WDR20: variants seen among roughly 807,000 people sequenced by gnomAD.
WDR20 encodes WD repeat-containing protein 20.
In WDR20, 3 loss-of-function variants were observed where a neutral mutation model predicts 38.7. The observed-to-expected ratio is 0.08, with a 90% CI of 0.04 to 0.20. The LOEUF (loss-of-function observed/expected upper bound fraction) is 0.20. WDR20 is among the 10% of genes least tolerant of loss of function. WDR20 has a pLI of 1.00. For synonymous variants in WDR20, 298 were observed against 285.6 expected, an observed-to-expected ratio of 1.04 and a Z score of -0.44; for missense variants, 559 against 727.7, an observed-to-expected ratio of 0.77 and a Z score of 2.67.
chr14:102,143,060 T>C (rs1311045395), intron 1 of WDR20, among the ~76,000 whole-genome samples: 4 of 152,078 alleles, frequency 2.6e-5, no homozygotes, highest in Non-Finnish European at 5.9e-5. Flanking sequence ...GGTCAGTGTC[T>C]GGAGCTAGAA....
Position 102,195,111 on chromosome 14 carries a change from T to C in WDR20, c.423T>C (p.Phe141=), listed in dbSNP as rs1452758884. 1 of 1,613,984 alleles carries C rather than the reference T, an allele frequency of 6.2e-7. No individual in the cohort carries two copies. Among genetic ancestry groups the C allele is most frequent in the African/African-American group, 1.3e-5 (1 of 74,922 alleles). ...DPIKKETSKL[F]NEERLIDKSR... is the part of the protein sequence containing the mutation. ...TCAAAAAAGAAACTAGCAAACTTTT[T>C]AATGAGGAAGTAAGTAGCACCCTGT... Residue 141 remains phenylalanine, a synonymous_variant, in exon 2 of 3, where the codon TTT becomes TTC. Coordinates refer to ENST00000342702, the MANE Select transcript of WDR20 (RefSeq NM_144574.4).
Position 102,209,681 on chromosome 14 carries a change from A to G in WDR20, c.1511A>G (p.Asp504Gly), listed in dbSNP as rs750445266. 1 of 1,614,106 alleles carries G rather than the reference A, an allele frequency of 6.2e-7. No homozygotes were observed. Among genetic ancestry groups the G allele is most frequent in the Admixed American group, 1.7e-5 (1 of 60,010 alleles). The part of the protein sequence containing the change: ...KLNLVTKTKT[D>G]PAKTLGTPLC... The stretch of plus-strand genomic sequence containing the variant: ...AATCTAGTTACCAAAACCAAAACGG[A>G]CCCTGCTAAAACTCTGGGAACGCCC... Residue 504 changes from aspartate (D) to glycine (G), a missense_variant, in exon 3 of 3, where the codon GAC becomes GGC. Asp to Gly is a moderately conservative substitution (Grantham distance 94). Coordinates refer to ENST00000342702, the MANE Select transcript of WDR20 (RefSeq NM_144574.4). This position sits in a 1 kb window ranked among gnomAD's most constrained non-coding sequence, Gnocchi z 6.0.
intron 1 of WDR20, among the ~76,000 whole-genome samples, chr14:102,173,433 AATTATT>A (rs59078063): frequency 0.033 from 4,583 of 138,824 alleles, 128 homozygotes; most frequent in African/African-American, 0.064. Context: ...CTTTTTTTAA[AATTATT>A]ATTATTATTA....
Position 102,220,033 on chromosome 14 carries a change from A to T in WDR20, c.1693-2797A>T, listed in dbSNP as rs535324637. On this transcript the variant is annotated intron_variant, in intron 3 of 3. Coordinates refer to the WDR20 transcript ENST00000335263. This position sits in a 1 kb window ranked among gnomAD's most constrained non-coding sequence, Gnocchi z 4.2. ...TGTGCATTTGTTTTGTGCTAATGGGAGAATAGGAAGCCTGCAGCCCTCGCG... is the reference window on the plus strand; with the variant it reads ...TGTGCATTTGTTTTGTGCTAATGGGTGAATAGGAAGCCTGCAGCCCTCGCG... 6.6e-6 allele frequency among the ~76,000 whole-genome samples: 1 copy of T among 152,188 alleles called. No individual in the cohort carries two copies. Among genetic ancestry groups the T allele is most frequent in the Non-Finnish European group, 1.5e-5 (1 of 68,030 alleles).
rs577678073 is a variant in WDR20, at chr14:102,220,776, A to G, written c.1693-2054A>G. ...TTAATGTCACTTGTTTTTATTATCT[A>G]TCTTTTCATTTTTTGAGACAGGGTC... On this transcript the variant is annotated intron_variant, in intron 3 of 3. Coordinates refer to the WDR20 transcript ENST00000335263. This position sits in a 1 kb window ranked among gnomAD's most constrained non-coding sequence, Gnocchi z 4.2. Among the ~76,000 whole-genome samples, 2 of 151,528 alleles carry G rather than the reference A, an allele frequency of 1.3e-5. No individual in the cohort carries two copies. The highest frequency in any genetic ancestry group is 2.1e-4 in the South Asian group (1 of 4,802).
intron 1 of WDR20, among the ~76,000 whole-genome samples, chr14:102,188,228 C>T (rs1294149818): frequency 6.6e-6 from 1 of 152,178 alleles, no homozygotes; most frequent in East Asian, 1.9e-4. Context: ...TAAAACTTTA[C>T]CAGGCCTATG....
intron 1 of WDR20, among the ~76,000 whole-genome samples, chr14:102,189,738 C>T (rs2152923762): frequency 6.6e-6 from 1 of 152,154 alleles, no homozygotes; most frequent in Admixed American, 6.5e-5. Context: ...CTGAAAAAAA[C>T]TAATTTTGTG....
chr14:102,214,416 C>G, downstream of WDR20: 1 of 985,384 alleles, frequency 1.0e-6, no homozygotes, highest in African/African-American at 1.7e-5. Flanking sequence ...CACTCGTATG[C>G]AACTGTTACC....
intron 1 of WDR20, among the ~76,000 whole-genome samples, chr14:102,189,209 CAATAAT>C (rs879341112): frequency 3.3e-5 from 5 of 151,444 alleles, no homozygotes; most frequent in Admixed American, 6.6e-5. Context: ...GACCCTGTCT[CAATAAT>C]AATAATAGTA....
At chr14:102,213,612 G>A (rs981420672), downstream of WDR20, 2 of 985,440 alleles carry the variant, frequency 2.0e-6, no homozygotes, top group Middle Eastern at 1.0e-3. Context: ...GGGGCCCAGG[G>A]CTCTCCACTG....
At position 102,175,027 on chromosome 14, in the gene WDR20, T is replaced by G. The variant is rs2061755967; in HGVS notation, c.250-19911T>G. Among the ~76,000 whole-genome samples the G allele has an allele frequency of 2.0e-5, 3 of 152,322 alleles. No homozygotes were observed. The South Asian group carries it at 6.2e-4, about 32-fold the overall frequency. On this transcript the variant is annotated intron_variant, in intron 1 of 2. Coordinates refer to ENST00000342702, the MANE Select transcript of WDR20 (RefSeq NM_144574.4). The stretch of plus-strand genomic sequence containing the variant: ...CCTGTGGGTTGTTTACTCTGCTGAT[T>G]ATTTCTTTTGCTGTGCAGAAGTTTT...
At position 102,209,161 on chromosome 14, in the gene WDR20, G is replaced by A. The variant is rs759092491; in HGVS notation, c.991G>A (p.Asp331Asn). Residue 331 changes from aspartate to asparagine, a missense_variant, in exon 3 of 3, where the codon GAT (aspartate) becomes AAT (asparagine). Transcript: ENST00000342702. This position sits in a 1 kb window ranked among gnomAD's most constrained non-coding sequence, Gnocchi z 6.0. ...TGACCCTATGGAGTTTAGTGGCAGC[G>A]ATGAGGACTTCCAAGACCTTCTTCA... ...EGDPMEFSGSDEDFQDLLHFG... is the reference protein window; with the variant it reads ...EGDPMEFSGSNEDFQDLLHFG... The A allele has an allele frequency of 4.5e-5, 72 of 1,614,158 alleles. No homozygotes were observed. Among genetic ancestry groups the A allele is most frequent in the Non-Finnish European group, 5.4e-5 (64 of 1,180,038 alleles).
rs989422202 is a variant in WDR20 at position 102,222,966 on chromosome 14, G to A, written c.*83G>A. 109 of 1,557,754 alleles carry A rather than the reference G, an allele frequency of 7.0e-5. No homozygotes were observed. Among genetic ancestry groups the A allele is most frequent in the Admixed American group, 1.2e-4 (7 of 59,032 alleles). ...AGGAGCTCCGAGCTGCGCCTGAGCC[G>A]TGCCAGCCGGCGGACCTCAGGCGGT... On this transcript the variant is annotated 3_prime_UTR_variant, in exon 4 of 4. Transcript: ENST00000335263. This position sits in a 1 kb window ranked among gnomAD's most constrained non-coding sequence, Gnocchi z 4.4.
chr14:102,161,733 C>T (rs533137491), intron 1 of WDR20, among the ~76,000 whole-genome samples: 14 of 152,026 alleles, frequency 9.2e-5, no homozygotes, highest in Non-Finnish European at 1.6e-4. Flanking sequence ...TGCTTTCTAC[C>T]GTGTTTCAGC....
At chr14:102,193,297 A>G (rs1230674019) in intron 1 of WDR20, among the ~76,000 whole-genome samples, 1 of 152,136 alleles carries the variant, frequency 6.6e-6, no homozygotes, top group Non-Finnish European at 1.5e-5. Flanking sequence ...CACTCGCAGC[A>G]CTCGGCTGAG....
chr14:102,223,589 A>C (rs1176046327), exon 4 of WDR20: 1 of 152,672 alleles, frequency 6.5e-6, no homozygotes, highest in Non-Finnish European at 1.5e-5. Flanking sequence ...AATTGGGGAA[A>C]ATAGTTACTT....
At chr14:102,213,160 A>G, downstream of WDR20, 3 of 985,792 alleles carry the variant, frequency 3.0e-6, no homozygotes, top group Non-Finnish European at 3.6e-6. Flanking sequence ...TTGTGCTGTG[A>G]CTGCGATGGG....
chr14:102,139,850 G>T, upstream of WDR20: 1 of 1,571,044 alleles, frequency 6.4e-7, no homozygotes, highest in Non-Finnish European at 8.7e-7. Context: ...GGGGGAAGAG[G>T]GAGCACCAGG....
At chr14:102,198,916 A>T (rs1162044343) in intron 2 of WDR20, among the ~76,000 whole-genome samples, 1 of 152,204 alleles carries the variant, frequency 6.6e-6, no homozygotes, top group Non-Finnish European at 1.5e-5. Flanking sequence ...AGACCTGTAG[A>T]TAGTGGGATG....
Sources: allele counts gnomAD v4.1 joint callset (sites outside exome capture counted in the v4.1 genomes callset), GRCh38; gene constraint gnomAD v4.1.1; non-coding constraint Gnocchi (gnomAD v3.1); transcripts MANE v1.5; gene names NCBI Gene and HGNC (gene_info 2026-07-23, HGNC 2026-07-21).